The following FHOD3 variants were observed in gnomAD, a reference collection of about 807,000 sequenced individuals.
FHOD3 encodes the protein formin homology 2 domain containing 3.
In FHOD3, 90 loss-of-function variants were observed where a neutral mutation model predicts 173.0. The observed-to-expected ratio is 0.52, with a 90% CI of 0.44 to 0.62. The LOEUF (loss-of-function observed/expected upper bound fraction) is 0.62, where lower values mean the gene tolerates loss of function less well. Among genes scored for constraint, FHOD3 ranks in the 20% least tolerant of loss-of-function variants. The probability of loss-of-function intolerance (pLI) is 0.00; values close to 1 mark genes in which losing one functional copy is unlikely to be tolerated. For missense variants in FHOD3, 1,945 were observed against 2,034.7 expected (o/e 0.96, Z 0.85); for synonymous variants, 828 against 823.0 (o/e 1.01, Z -0.10).
At chr18:36,316,748 G>A (rs113380806) in intron 1 of FHOD3, among the ~76,000 whole-genome samples, 388 of 152,038 alleles carry the variant, frequency 2.6e-3, no homozygotes, top group African/African-American at 8.9e-3. Context: ...TATACTTTAA[G>A]TTCTGGGGTA....
intron 9 of FHOD3, among the ~76,000 whole-genome samples, chr18:36,614,706 G>A (rs751420803): frequency 1.2e-4 from 19 of 152,072 alleles, no homozygotes; most frequent in Non-Finnish European, 2.4e-4. Flanking sequence ...GTGTGAAGTG[G>A]TATCTTACTG....
intron 3 of FHOD3, among the ~76,000 whole-genome samples, chr18:36,378,039 G>C (rs962163564): frequency 3.5e-4 from 53 of 152,154 alleles, no homozygotes; most frequent in Admixed American, 3.4e-3. Flanking sequence ...GCTCCTCCCT[G>C]GTGGCATCAG....
chr18:36,769,703 T>A (rs763391487), intron 28 of FHOD3, among the ~76,000 whole-genome samples: 5 of 152,040 alleles, frequency 3.3e-5, no homozygotes, highest in Non-Finnish European at 7.4e-5. Context: ...GAAAAGTCCT[T>A]AAGTGTCTGT....
chr18:36,685,920 C>T (rs750340524), intron 15 of FHOD3, among the ~76,000 whole-genome samples: 1 of 151,986 alleles, frequency 6.6e-6, no homozygotes, highest in Non-Finnish European at 1.5e-5. Context: ...AAAATTTGGG[C>T]ATCTGTGGGT....
At chr18:36,621,684 T>C (rs2148747085) in intron 9 of FHOD3, among the ~76,000 whole-genome samples, 1 of 152,362 alleles carries the variant, frequency 6.6e-6, no homozygotes, top group East Asian at 1.9e-4. Flanking sequence ...CAAGCCACAT[T>C]GTTGAGCTTT....
At chr18:36,447,789 A>G (rs943369756) in intron 3 of FHOD3, among the ~76,000 whole-genome samples, 11 of 152,394 alleles carry the variant, frequency 7.2e-5, no homozygotes, top group Admixed American at 2.6e-4. Context: ...TGTAATTGTT[A>G]ACATTAATAG....
chr18:36,351,828 G>A (rs925405788), intron 1 of FHOD3, among the ~76,000 whole-genome samples: 4 of 152,172 alleles, frequency 2.6e-5, no homozygotes, highest in Non-Finnish European at 4.4e-5. Flanking sequence ...CTGAAGATGC[G>A]AGATGGAAAT....
chr18:36,748,178 T>C (rs1162956458), intron 24 of FHOD3, among the ~76,000 whole-genome samples: 1 of 152,160 alleles, frequency 6.6e-6, no homozygotes, highest in Non-Finnish European at 1.5e-5. Context: ...TGGAATTTAA[T>C]TGTTCAACTA....
intron 17 of FHOD3, among the ~76,000 whole-genome samples, chr18:36,699,010 A>G (rs182999842): frequency 7.2e-5 from 11 of 152,146 alleles, no homozygotes; most frequent in African/African-American, 2.4e-4. Flanking sequence ...TGGGCAATAA[A>G]CCAACCAGAT....
intron 3 of FHOD3, among the ~76,000 whole-genome samples, chr18:36,408,815 C>T (rs998787791): frequency 1.3e-5 from 2 of 152,146 alleles, no homozygotes; most frequent in Admixed American, 1.3e-4. Context: ...TGTGGTGGAT[C>T]ACCTCCCAGG....
chr18:36,550,835 A>G (rs1185325641), intron 5 of FHOD3, among the ~76,000 whole-genome samples: 2 of 152,092 alleles, frequency 1.3e-5, no homozygotes, highest in Non-Finnish European at 2.9e-5. Context: ...ATTCCATAGG[A>G]TCTTCTCAGA....
intron 3 of FHOD3, among the ~76,000 whole-genome samples, chr18:36,389,420 G>GTGTC (rs1425977786): frequency 6.6e-6 from 1 of 152,164 alleles, no homozygotes. Flanking sequence ...TCTGCAAACA[G>GTGTC]TGTCACCTGT....
intron 3 of FHOD3, among the ~76,000 whole-genome samples, chr18:36,470,500 A>G (rs1332995220): frequency 1.3e-5 from 2 of 152,224 alleles, no homozygotes; most frequent in Non-Finnish European, 2.9e-5. Context: ...AATAGGATAC[A>G]CCAGAGTTCT....
At chr18:36,407,053 C>T (rs1267494447) in intron 3 of FHOD3, among the ~76,000 whole-genome samples, 1 of 152,222 alleles carries the variant, frequency 6.6e-6, no homozygotes. Flanking sequence ...TCTGGACCAA[C>T]TGATCAGTGG....
intron 1 of FHOD3, among the ~76,000 whole-genome samples, chr18:36,310,850 G>A (rs1462291253): frequency 6.6e-6 from 1 of 152,086 alleles, no homozygotes; most frequent in Non-Finnish European, 1.5e-5. Context: ...GTAGGATATG[G>A]GAGTCAGGAT....
intron 3 of FHOD3, among the ~76,000 whole-genome samples, chr18:36,406,511 G>A (rs1369201232): frequency 2.0e-5 from 3 of 152,086 alleles, no homozygotes; most frequent in Admixed American, 6.6e-5. Flanking sequence ...GGGAGAGAGG[G>A]ATGCAAATGC....
At position 36,760,661 on chromosome 18, in the gene FHOD3, G is replaced by A. The variant is rs1225205790; in HGVS notation, c.4503G>A (p.Leu1501=). ...SPAPPSQPQG[L]SYAEDAAEHE... ...CGCCCCCAAGCCAGCCGCAGGGTCT[G>A]AGCTATGCGGAGGACGCGGCTGAGC... The change falls in exon 27 of 29, where the codon CTG becomes CTA. Residue 1501 remains leucine (L), a synonymous_variant. Transcript: ENST00000590592. 2 of 1,613,060 alleles carry A rather than the reference G, an allele frequency of 1.2e-6. No homozygotes were observed. Among genetic ancestry groups the A allele is most frequent in the African/African-American group, 1.3e-5 (1 of 74,928 alleles).
At chr18:36,457,464 A>G (rs1192564404) in intron 3 of FHOD3, among the ~76,000 whole-genome samples, 3 of 152,124 alleles carry the variant, frequency 2.0e-5, no homozygotes, top group Non-Finnish European at 4.4e-5. Context: ...CGTACAGAAC[A>G]TCTGACTTTT....
intron 14 of FHOD3, among the ~76,000 whole-genome samples, chr18:36,678,084 G>C (rs989806547): frequency 6.6e-6 from 1 of 152,158 alleles, no homozygotes; most frequent in Non-Finnish European, 1.5e-5. Context: ...TAGATGGTCA[G>C]ATTATCTGTA....
Sources: allele counts gnomAD v4.1 joint callset (sites outside exome capture counted in the v4.1 genomes callset), GRCh38; gene constraint gnomAD v4.1.1; transcripts MANE v1.5; gene names NCBI Gene and HGNC (gene_info 2026-07-23, HGNC 2026-07-21).